The following DRC8 variants were observed in gnomAD, a reference collection of about 807,000 sequenced individuals.
DRC8 encodes dynein regulatory complex protein 8.
At chr1:245,012,590 A>G in the DRC8 span, among the ~76,000 whole-genome samples, 3 of 152,088 alleles carry the variant, frequency 2.0e-5, no homozygotes, top group Non-Finnish European at 4.4e-5. Context: ...AAAATATTTC[A>G]TCACAATATC....
At chr1:245,105,350 T>A in the DRC8 span, among the ~76,000 whole-genome samples, 382 of 152,254 alleles carry the variant, frequency 2.5e-3, 1 homozygote, top group African/African-American at 8.7e-3. Context: ...TGATTTTTTT[T>A]TAAAAAGATT....
chr1:244,972,533 C>T, the DRC8 span, among the ~76,000 whole-genome samples: 1 of 152,106 alleles, frequency 6.6e-6, no homozygotes, highest in Admixed American at 6.6e-5. Context: ...CATTAACTTT[C>T]GAGAAGGCCG....
At chr1:245,108,240 C>T in the DRC8 span, among the ~76,000 whole-genome samples, 1 of 152,158 alleles carries the variant, frequency 6.6e-6, no homozygotes, top group African/African-American at 2.4e-5. Context: ...CAGCCTCCTG[C>T]AGTCTCACTC....
At chr1:245,010,227 G>A in the DRC8 span, among the ~76,000 whole-genome samples, 1 of 152,270 alleles carries the variant, frequency 6.6e-6, no homozygotes, top group South Asian at 2.1e-4. Context: ...TATCAGTTAC[G>A]GAGGCATGGA....
chr1:245,014,231 T>G, the DRC8 span, among the ~76,000 whole-genome samples: 98 of 150,604 alleles, frequency 6.5e-4, no homozygotes, highest in African/African-American at 2.2e-3. Context: ...CCTGGAAAAT[T>G]GTTTGCAGTA....
the DRC8 span, among the ~76,000 whole-genome samples, chr1:245,003,852 C>A: frequency 2.0e-5 from 3 of 152,126 alleles, no homozygotes; most frequent in Admixed American, 2.0e-4. Context: ...AATCCTCCCC[C>A]CTCAGCCTCC....
chr1:244,997,208 A>G, the DRC8 span, among the ~76,000 whole-genome samples: 2 of 152,030 alleles, frequency 1.3e-5, no homozygotes, highest in African/African-American at 4.8e-5. Context: ...TTTTTAACCT[A>G]TCCTATCTCG....
At chr1:245,095,690 TTTAA>T in the DRC8 span, among the ~76,000 whole-genome samples, 18 of 152,216 alleles carry the variant, frequency 1.2e-4, no homozygotes, top group Non-Finnish European at 2.1e-4. Flanking sequence ...ACCTGGCCTA[TTTAA>T]TTAGTTCCTC....
the DRC8 span, among the ~76,000 whole-genome samples, chr1:245,070,413 A>T: frequency 6.6e-6 from 1 of 152,234 alleles, no homozygotes; most frequent in East Asian, 1.9e-4. Context: ...ACATTATTTG[A>T]ATAAAGTATA....
the DRC8 span, among the ~76,000 whole-genome samples, chr1:245,092,953 C>T: frequency 5.9e-5 from 9 of 152,178 alleles, no homozygotes; most frequent in Non-Finnish European, 1.2e-4. Context: ...AAACACTTTT[C>T]GGGGCTGGTG....
the DRC8 span, among the ~76,000 whole-genome samples, chr1:245,064,011 C>G: frequency 1.3e-5 from 2 of 152,272 alleles, no homozygotes; most frequent in African/African-American, 4.8e-5. Flanking sequence ...GCGTGACCAA[C>G]CACGCCCGGC....
At chr1:245,092,697 TG>T in the DRC8 span, among the ~76,000 whole-genome samples, 1 of 152,202 alleles carries the variant, frequency 6.6e-6, no homozygotes, top group African/African-American at 2.4e-5. Flanking sequence ...TGCACGCTTG[TG>T]TGTAAAAAGC....
chr1:245,123,126 A>C, the DRC8 span: 1 of 152,224 alleles, frequency 6.6e-6, no homozygotes. The surrounding 1 kb of genome is among the most constrained non-coding windows in gnomAD (Gnocchi z 5.0). Flanking sequence ...ATTTGAGGCA[A>C]GGAGACTGGC....
chr1:245,044,539 C>T, the DRC8 span, among the ~76,000 whole-genome samples: 6 of 150,672 alleles, frequency 4.0e-5, no homozygotes, highest in Non-Finnish European at 7.4e-5. Context: ...CTCACTCTGT[C>T]GCCCAGGCTG....
chr1:245,095,131 G>A, the DRC8 span, among the ~76,000 whole-genome samples: 3 of 152,184 alleles, frequency 2.0e-5, no homozygotes, highest in Non-Finnish European at 4.4e-5. Context: ...TCACACAACC[G>A]GAACAGCCCG....
chr1:245,041,050 G>A, the DRC8 span, among the ~76,000 whole-genome samples: 1 of 152,180 alleles, frequency 6.6e-6, no homozygotes, highest in African/African-American at 2.4e-5. Flanking sequence ...AGAGAATTGG[G>A]GTGTGTTTAG....
the DRC8 span, among the ~76,000 whole-genome samples, chr1:245,101,936 A>G: frequency 1.3e-4 from 20 of 152,296 alleles, no homozygotes; most frequent in South Asian, 8.3e-4. Context: ...TCTTGTACCT[A>G]TTGGTTTCCA....
At chr1:245,010,592 C>T in the DRC8 span, among the ~76,000 whole-genome samples, 1 of 152,082 alleles carries the variant, frequency 6.6e-6, no homozygotes, top group South Asian at 2.1e-4. Context: ...TTCATCTGGC[C>T]ACACTGAGAG....
the DRC8 span, among the ~76,000 whole-genome samples, chr1:244,995,840 A>G: frequency 0.016 from 2,391 of 152,270 alleles, 52 homozygotes; most frequent in African/African-American, 0.052. Flanking sequence ...GATTTTCCTC[A>G]CTTTCCCTTA....
Sources: allele counts gnomAD v4.1 joint callset (sites outside exome capture counted in the v4.1 genomes callset), GRCh38; gene constraint gnomAD v4.1.1; non-coding constraint Gnocchi (gnomAD v3.1); transcripts MANE v1.5; gene names NCBI Gene and HGNC (gene_info 2026-07-23, HGNC 2026-07-21).